UPF2: variants seen among roughly 807,000 people sequenced by gnomAD.
UPF2 encodes the protein UPF2 regulator of nonsense mediated mRNA decay.
UPF2 carries 17 observed loss-of-function variants against 141.4 expected under a neutral mutation model. That is an observed-to-expected ratio of 0.12 (90% CI 0.08 to 0.18). UPF2 has a LOEUF of 0.18. Among genes scored for constraint, UPF2 ranks in the 10% least tolerant of loss-of-function variants. The pLI, the probability that UPF2 is intolerant of heterozygous loss-of-function variation, is 1.00. For synonymous variants in UPF2, 540 were observed against 498.0 expected, an observed-to-expected ratio of 1.08 and a Z score of -1.12; for missense variants, 1,152 against 1,515.9, an observed-to-expected ratio of 0.76 and a Z score of 3.99.
chr10:11,964,846 T>C (rs533541060), intron 10 of UPF2, among the ~76,000 whole-genome samples: 1 of 152,300 alleles, frequency 6.6e-6, no homozygotes, highest in East Asian at 1.9e-4. Flanking sequence ...TCTGAGATTG[T>C]GGAATACAGT....
intron 3 of UPF2, among the ~76,000 whole-genome samples, chr10:12,024,745 C>G (rs147531925): frequency 3.3e-4 from 50 of 151,986 alleles, no homozygotes; most frequent in African/African-American, 1.2e-3. Flanking sequence ...TCAGCCTGAG[C>G]AACATAGGGA....
intron 8 of UPF2, among the ~76,000 whole-genome samples, chr10:11,994,901 G>A (rs1282297763): frequency 6.7e-6 from 1 of 148,296 alleles, no homozygotes; most frequent in East Asian, 2.0e-4. Context: ...GCGTGAACCT[G>A]GGAGGCAGAG....
chr10:12,006,428 A>G (rs1478487955), intron 4 of UPF2, among the ~76,000 whole-genome samples: 1 of 152,186 alleles, frequency 6.6e-6, no homozygotes, highest in Non-Finnish European at 1.5e-5. Flanking sequence ...TTATAAATAG[A>G]TTATGTAAAT....
Position 11,955,295 on chromosome 10 carries a change from A to G in UPF2, c.2787T>C (p.Cys929=), listed in dbSNP as rs1833130824. The G allele has an allele frequency of 6.2e-7, 1 of 1,613,372 alleles. No homozygotes were observed. Among genetic ancestry groups the G allele is most frequent in the Non-Finnish European group, 8.5e-7 (1 of 1,179,626 alleles). The change falls in exon 14 of 22, where the codon TGT becomes TGC. Residue 929 remains cysteine (C), a synonymous_variant. Transcript: ENST00000357604. ...IRLVCTILDT[C]GQYFDRGSSK... ...TGGAACCTCTGTCAAAGTACTGGCC[A>G]CATGTGTCCAGAATAGTGCATACGA...
At chr10:12,024,343 C>A (rs964847640) in intron 3 of UPF2, among the ~76,000 whole-genome samples, 1 of 152,176 alleles carries the variant, frequency 6.6e-6, no homozygotes, top group African/African-American at 2.4e-5. Context: ...GGCACAGTGG[C>A]TGACGCCTAT....
rs1031896543 is a variant in UPF2, at chr10:12,004,733, A to G, written c.1307-6T>C. ...ATCAATTCCAGGCCCATGTTCTACA[A>G]TAAAATAAATCACAAGTAATTAACA... On this transcript the variant is annotated splice_polypyrimidine_tract_variant and splice_region_variant and intron_variant, in intron 4 of 21. Coordinates refer to ENST00000357604, the MANE Select transcript of UPF2 (RefSeq NM_015542.4). 3.1e-6 allele frequency: 5 copies of G among 1,607,816 alleles called. No individual in the cohort carries two copies. The highest frequency in any genetic ancestry group is 4.2e-6 in the Non-Finnish European group (5 of 1,177,940).
In UPF2 at chr10:11,956,574, T is replaced by C. The variant is rs776746275; in HGVS notation, c.2371-51A>G. ...TTATTAAGATAAGTACACAGTAGCC[T>C]GACCAAATAATACAGAAATTTTGCT... On this transcript the variant is annotated intron_variant, in intron 12 of 21. Coordinates refer to ENST00000357604, the MANE Select transcript of UPF2 (RefSeq NM_015542.4). This position sits in a 1 kb window ranked among gnomAD's most constrained non-coding sequence, Gnocchi z 4.2. The C allele has an allele frequency of 6.5e-7, 1 of 1,543,768 alleles. No homozygotes were observed. Among genetic ancestry groups the C allele is most frequent in the Non-Finnish European group, 8.8e-7 (1 of 1,136,400 alleles).
chr10:11,955,131 T>C (rs1400929641), intron 14 of UPF2, 101 bp downstream of exon 14: 4 of 1,137,542 alleles, frequency 3.5e-6, no homozygotes, highest in African/African-American at 3.2e-5. Flanking sequence ...TGAACATATA[T>C]ATAATATATG....
At chr10:11,975,518 T>G (rs1833491941) in intron 9 of UPF2, among the ~76,000 whole-genome samples, 1 of 152,212 alleles carries the variant, frequency 6.6e-6, no homozygotes, top group Non-Finnish European at 1.5e-5. Flanking sequence ...TTGTTGTTGT[T>G]GTTTTTTGAG....
Position 11,979,241 on chromosome 10 carries a change from A to T in UPF2, c.1845-76T>A. 2.8e-6 allele frequency: 3 copies of T among 1,080,294 alleles called. No homozygotes were observed. The highest frequency in any genetic ancestry group is 2.7e-6 in the Non-Finnish European group (2 of 736,754). 66.9% of individuals were successfully genotyped at this position (1,080,294 alleles called of 1,614,324 possible). ...ATTCATTTTAAAATTTAAACTTTTC[A>T]GATGTATTCACACATTAAATGATCT... On this transcript the variant is annotated intron_variant, in intron 8 of 21. Coordinates refer to ENST00000357604, the MANE Select transcript of UPF2 (RefSeq NM_015542.4). The surrounding 1 kb of genome is among the most constrained non-coding windows in gnomAD (Gnocchi z 6.2).
At position 11,939,287 on chromosome 10, in the gene UPF2, A is replaced by G. The variant is rs773804182; in HGVS notation, c.3379-2575T>C. ...TAAAGCACTTGATGCAGGGCCCAAC[A>G]GTCTTCATAATTATTGGAGTGTTTG... On this transcript the variant is annotated intron_variant, in intron 18 of 21. Transcript: ENST00000357604. This position sits in a 1 kb window ranked among gnomAD's most constrained non-coding sequence, Gnocchi z 4.8. 1.3e-5 allele frequency among the ~76,000 whole-genome samples: 2 copies of G among 152,230 alleles called. No homozygotes were observed. Among genetic ancestry groups the G allele is most frequent in the Non-Finnish European group, 2.9e-5 (2 of 68,050 alleles).
chr10:12,040,144 G>A (rs1338320632), intron 1 of UPF2, among the ~76,000 whole-genome samples: 1 of 152,098 alleles, frequency 6.6e-6, no homozygotes, highest in Non-Finnish European at 1.5e-5. Flanking sequence ...CTCGGGGCTG[G>A]GCATGGTGGC....
At chr10:12,034,997 T>C in intron 2 of UPF2, 62 bp downstream of exon 2, 1 of 1,505,554 alleles carries the variant, frequency 6.6e-7, no homozygotes, top group Non-Finnish European at 8.8e-7. Context: ...ATAATGTTTT[T>C]TTCCCAAAAT....
At chr10:11,958,719 C>T (rs1833193695) in intron 12 of UPF2, among the ~76,000 whole-genome samples, 1 of 152,018 alleles carries the variant, frequency 6.6e-6, no homozygotes, top group African/African-American at 2.4e-5. Flanking sequence ...GGAAATTAAC[C>T]CCTGTTGAGA....
intron 5 of UPF2, among the ~76,000 whole-genome samples, chr10:12,003,654 G>A (rs920759586): frequency 2.0e-5 from 3 of 152,144 alleles, no homozygotes; most frequent in Non-Finnish European, 2.9e-5. Flanking sequence ...GGCTGAGCGC[G>A]GTGGCTCACG....
chr10:12,017,678 CAAGAAAAGTTTAGATTTG>C (rs1834246376), intron 3 of UPF2, among the ~76,000 whole-genome samples: 1 of 152,176 alleles, frequency 6.6e-6, no homozygotes, highest in Non-Finnish European at 1.5e-5. Flanking sequence ...GAATAGTCCT[CAAGAAAAGTTTAGATTTG>C]GGGTTTTGTT....
intron 8 of UPF2, among the ~76,000 whole-genome samples, chr10:11,982,216 G>T (rs143388477): frequency 2.5e-3 from 376 of 152,200 alleles, no homozygotes; most frequent in Non-Finnish European, 4.4e-3. Flanking sequence ...TCAAATATAG[G>T]ATTTAAATCT....
At position 12,029,434 on chromosome 10, in the gene UPF2, C is replaced by G. The variant is rs138064436; in HGVS notation, c.456G>C (p.Pro152=). Residue 152 remains proline (P), a synonymous_variant, in exon 3 of 22, where the codon CCG becomes CCC. Transcript: ENST00000357604. ...AGAAGTTTTCCTCTGGTCGGCTGTC[C>G]GGAGCATTTTGGTTTTTGCTACGAA... ...KELRSKNQNA[P]DSRPEENFFS... is the part of the protein sequence containing the mutation. The G allele has an allele frequency of 5.0e-5, 81 of 1,613,814 alleles. No homozygotes were observed. Among genetic ancestry groups the G allele is most frequent in the Non-Finnish European group, 6.4e-5 (76 of 1,180,014 alleles).
Position 11,936,397 on chromosome 10 carries a change from C to CAAAAAA in UPF2, c.3546+142_3546+147dup. 1.2e-6 allele frequency: 1 copy of CAAAAAA among 859,304 alleles called. No homozygotes were observed. The highest frequency in any genetic ancestry group is 1.6e-6 in the Non-Finnish European group (1 of 630,362). The allele number at this position is 859,304 out of a possible 1,614,324, so 53.2% of individuals were successfully genotyped here. A position where few individuals can be genotyped will look rare whatever the true frequency, so the allele number is the denominator to read the frequency against. On this transcript the variant is annotated intron_variant, in intron 19 of 21. Coordinates refer to ENST00000357604, the MANE Select transcript of UPF2 (RefSeq NM_015542.4). This position sits in a 1 kb window ranked among gnomAD's most constrained non-coding sequence, Gnocchi z 6.6. ...ACAAAAACAAAAACAAAAACAAAAA[C>CAAAAAA]AAAAAAAACTATATAAGGGAAGAAA...
Sources: allele counts gnomAD v4.1 joint callset (sites outside exome capture counted in the v4.1 genomes callset), GRCh38; gene constraint gnomAD v4.1.1; non-coding constraint Gnocchi (gnomAD v3.1); transcripts MANE v1.5; gene names NCBI Gene and HGNC (gene_info 2026-07-23, HGNC 2026-07-21).